The following CACNA1C variants were observed in gnomAD, a reference collection of about 807,000 sequenced individuals.
The protein encoded by CACNA1C is calcium voltage-gated channel subunit alpha1 C, also known as voltage-dependent L-type calcium channel subunit alpha-1C.
In CACNA1C, 30 loss-of-function variants were observed where a neutral mutation model predicts 229.0. The ratio of observed to expected loss-of-function variants is 0.13; its 90% CI spans 0.10 to 0.18. CACNA1C has a LOEUF of 0.18. Among genes scored for constraint, CACNA1C ranks in the 10% least tolerant of loss-of-function variants. The pLI is 1.00. For synonymous variants in CACNA1C, 1,114 were observed against 1,132.5 expected (o/e 0.98, Z 0.33); for missense variants, 1,658 against 2,845.0 (o/e 0.58, Z 9.49).
intron 3 of CACNA1C, among the ~76,000 whole-genome samples, chr12:2,333,200 TC>T (rs3216319): frequency 0.1 from 15,753 of 152,058 alleles, 904 homozygotes; most frequent in South Asian, 0.14. Context: ...TCTCATTTAA[TC>T]CCCCTAGTGG....
intron 4 of CACNA1C, among the ~76,000 whole-genome samples, chr12:2,453,490 G>A (rs1421671106): frequency 6.6e-6 from 1 of 152,126 alleles, no homozygotes; most frequent in African/African-American, 2.4e-5. Context: ...GCACTCTGTG[G>A]CAATGAATCT....
intron 3 of CACNA1C, among the ~76,000 whole-genome samples, chr12:2,333,431 T>G (rs1326077923): frequency 6.6e-6 from 1 of 152,188 alleles, no homozygotes; most frequent in Non-Finnish European, 1.5e-5. Context: ...CTTCCTCCTC[T>G]CTGTTGTGAT....
intron 3 of CACNA1C, among the ~76,000 whole-genome samples, chr12:2,291,876 G>T (rs2093552704): frequency 6.6e-6 from 1 of 152,236 alleles, no homozygotes; most frequent in East Asian, 1.9e-4. Flanking sequence ...TCAGCTAGAA[G>T]AAGAGAGAGA....
At chr12:2,688,109 A>G (rs576303281) in intron 45 of CACNA1C, among the ~76,000 whole-genome samples, 3 of 152,296 alleles carry the variant, frequency 2.0e-5, no homozygotes, top group East Asian at 1.9e-4. Flanking sequence ...TCTCCATTCT[A>G]TTGAGGACAA....
intron 1 of CACNA1C, among the ~76,000 whole-genome samples, chr12:2,080,300 C>A (rs1184059392): frequency 1.4e-5 from 1 of 71,576 alleles, no homozygotes; most frequent in African/African-American, 5.5e-5. Flanking sequence ...ATAAAATAAC[C>A]TTGTTTAAAT....
chr12:2,307,609 T>C (rs188399344), intron 3 of CACNA1C, among the ~76,000 whole-genome samples: 1 of 152,194 alleles, frequency 6.6e-6, no homozygotes, highest in Non-Finnish European at 1.5e-5. Context: ...GAATCATCCA[T>C]CTTGAAGGGC....
chr12:2,684,145 C>T (rs1418933832), intron 43 of CACNA1C, among the ~76,000 whole-genome samples: 1 of 152,172 alleles, frequency 6.6e-6, no homozygotes, highest in East Asian at 1.9e-4. Context: ...GGGTCCAGTG[C>T]TTTCTGCTCG....
rs902100583 is a variant in CACNA1C at position 2,646,851 on chromosome 12, T to C, written c.3913-1624T>C. ...GTCTCTGTGTTCAATCTCAGTCTGC[T>C]AGCCAAATCCTAGGGACCCCACACC... On this transcript the variant is annotated intron_variant, in intron 30 of 46. Coordinates refer to ENST00000399655, the MANE Select transcript of CACNA1C (RefSeq NM_000719.7). The surrounding 1 kb of genome is among the most constrained non-coding windows in gnomAD (Gnocchi z 4.6). Among the ~76,000 whole-genome samples the C allele has an allele frequency of 6.6e-5, 10 of 152,134 alleles. No individual in the cohort carries two copies. The highest frequency in any genetic ancestry group is 8.8e-5 in the Non-Finnish European group (6 of 68,026).
chr12:2,311,421 G>T (rs576220806), intron 3 of CACNA1C, among the ~76,000 whole-genome samples: 24 of 152,154 alleles, frequency 1.6e-4, no homozygotes, highest in Non-Finnish European at 2.5e-4. Context: ...ACCAAGCCAA[G>T]CAGATCAACC....
At chr12:2,204,156 A>G (rs2097683796) in intron 3 of CACNA1C, among the ~76,000 whole-genome samples, 1 of 151,990 alleles carries the variant, frequency 6.6e-6, no homozygotes, top group Non-Finnish European at 1.5e-5. Flanking sequence ...AACTGGTGTG[A>G]GATGGTATCT....
intron 1 of CACNA1C, among the ~76,000 whole-genome samples, chr12:2,064,629 C>A (rs775471481): frequency 6.6e-6 from 1 of 152,016 alleles, no homozygotes; most frequent in Non-Finnish European, 1.5e-5. Context: ...GTAAACAGTC[C>A]GGGGAGAAAA....
intron 3 of CACNA1C, among the ~76,000 whole-genome samples, chr12:2,251,351 A>C (rs1393628818): frequency 2.6e-5 from 4 of 152,188 alleles, no homozygotes; most frequent in African/African-American, 7.2e-5. Context: ...CCAGCTTTCT[A>C]GTACAGTGAT....
chr12:2,330,879 A>G (rs2096525005), intron 3 of CACNA1C, among the ~76,000 whole-genome samples: 1 of 152,244 alleles, frequency 6.6e-6, no homozygotes, highest in South Asian at 2.1e-4. Flanking sequence ...AAAGAAGAAG[A>G]AAATAGAGTA....
At chr12:2,683,026 CAG>C (rs1178443304) in intron 43 of CACNA1C, among the ~76,000 whole-genome samples, 3 of 151,948 alleles carry the variant, frequency 2.0e-5, no homozygotes, top group Non-Finnish European at 4.4e-5. Context: ...TGGTGAGACT[CAG>C]TATGCACATA....
chr12:2,497,700 C>T (rs540486945), intron 7 of CACNA1C, among the ~76,000 whole-genome samples: 40 of 151,824 alleles, frequency 2.6e-4, no homozygotes, highest in Middle Eastern at 3.4e-3. Flanking sequence ...ATCAGTTCTT[C>T]GACTGATTTT....
chr12:2,588,869 T>TA (rs561500940), intron 18 of CACNA1C, among the ~76,000 whole-genome samples: 13 of 150,696 alleles, frequency 8.6e-5, no homozygotes, highest in African/African-American at 2.2e-4. Flanking sequence ...AGGTACACAC[T>TA]AAAAAAAAAG....
chr12:2,140,504 A>G lies in CACNA1C; in HGVS notation c.477+20074A>G, dbSNP rs117821005. On this transcript the variant is annotated intron_variant, in intron 3 of 46. Transcript: ENST00000399655. ...CTGAGACAGCACCAGATGAGAGGCT[A>G]GGAGGCCTCCATCCCAGACCTCTCT... is the stretch of plus-strand genomic sequence containing the variant. Among the ~76,000 whole-genome samples, 148 of 151,510 alleles carry G rather than the reference A, an allele frequency of 9.8e-4. 6 individuals are homozygous for G. In the East Asian group the frequency reaches 0.026, roughly 27 times the overall value.
intron 3 of CACNA1C, among the ~76,000 whole-genome samples, chr12:2,219,035 G>A (rs1046175884): frequency 1.3e-5 from 2 of 152,164 alleles, no homozygotes; most frequent in African/African-American, 4.8e-5. Context: ...GAAGGGAAGG[G>A]TTGAGTATGA....
intron 43 of CACNA1C, among the ~76,000 whole-genome samples, chr12:2,683,544 T>G (rs1603459066): frequency 6.6e-6 from 1 of 152,116 alleles, no homozygotes; most frequent in Admixed American, 6.5e-5. Flanking sequence ...TCATTTCAAT[T>G]TTGTAGAAAG....
Sources: gnomAD v4.1 joint callset for allele counts (sites outside exome capture counted in the v4.1 genomes callset) on GRCh38, gnomAD v4.1.1 for gene constraint, Gnocchi (gnomAD v3.1) non-coding constraint, MANE v1.5 for transcripts, NCBI Gene and HGNC (gene_info 2026-07-23, HGNC 2026-07-21) for gene names.